The following SH3RF3 variants were observed in gnomAD, a reference collection of about 807,000 sequenced individuals.
The protein encoded by SH3RF3 is SH3 domain containing ring finger 3.
Under a neutral mutation model 66.3 loss-of-function variants are expected in SH3RF3, and 29 were observed. The ratio of observed to expected loss-of-function variants is 0.44; its 90% CI spans 0.33 to 0.60. The LOEUF (loss-of-function observed/expected upper bound fraction) is 0.60. Ranked by LOEUF, SH3RF3 falls within the 20% of genes least tolerant of loss-of-function variation. The pLI is 0.04. For synonymous variants in SH3RF3, 583 were observed against 532.0 expected (o/e 1.10, Z -1.32); for missense variants, 1,194 against 1,190.9 (o/e 1.00, Z -0.04).
At chr2:109,316,231 G>A (rs35689052) in intron 1 of SH3RF3, among the ~76,000 whole-genome samples, 47,469 of 152,058 alleles carry the variant, frequency 0.31, 9,190 homozygotes, top group African/African-American at 0.55. Flanking sequence ...TTCATCTCTC[G>A]CAGCAGATCT....
At chr2:109,179,009 G>GTGTGTGTGTGTGTT (rs1326817298) in intron 1 of SH3RF3, among the ~76,000 whole-genome samples, 50 of 148,726 alleles carry the variant, frequency 3.4e-4, no homozygotes, top group Non-Finnish European at 1.6e-4. Context: ...AATAATGTGT[G>GTGTGTGTGTGTGTT]TGTGTGTGTG....
intron 1 of SH3RF3, among the ~76,000 whole-genome samples, chr2:109,175,824 C>T (rs1677901477): frequency 6.6e-6 from 1 of 152,180 alleles, no homozygotes; most frequent in Admixed American, 6.5e-5. Context: ...TGTAAGCTGC[C>T]ATGCCAGTAA....
intron 1 of SH3RF3, among the ~76,000 whole-genome samples, chr2:109,248,783 GTCTTTC>G (rs1416291469): frequency 1.3e-4 from 19 of 140,910 alleles, no homozygotes; most frequent in Admixed American, 7.2e-5. Flanking sequence ...TCTTCTTTCT[GTCTTTC>G]TCTTTCTGTC....
At chr2:109,319,569 C>T (rs561907615) in intron 1 of SH3RF3, among the ~76,000 whole-genome samples, 1 of 152,350 alleles carries the variant, frequency 6.6e-6, no homozygotes, top group South Asian at 2.1e-4. Context: ...TGAAAACAAG[C>T]CCAGTGGGGC....
chr2:109,178,673 C>T (rs996066809), intron 1 of SH3RF3, among the ~76,000 whole-genome samples: 1 of 152,190 alleles, frequency 6.6e-6, no homozygotes, highest in African/African-American at 2.4e-5. Flanking sequence ...CCTGTCCTCC[C>T]AGGAATTCAC....
chr2:109,151,576 A>G (rs1194975622), intron 1 of SH3RF3, among the ~76,000 whole-genome samples: 1 of 152,268 alleles, frequency 6.6e-6, no homozygotes, highest in African/African-American at 2.4e-5. Flanking sequence ...GCATGTAGTT[A>G]CTATGAAAAC....
chr2:109,168,241 T>G (rs532091716), intron 1 of SH3RF3, among the ~76,000 whole-genome samples: 24 of 152,364 alleles, frequency 1.6e-4, no homozygotes, highest in Non-Finnish European at 2.5e-4. Context: ...AGATCAAAAC[T>G]ATACATTTTC....
chr2:109,167,629 C>T (rs1051221157), intron 1 of SH3RF3, among the ~76,000 whole-genome samples: 7 of 152,206 alleles, frequency 4.6e-5, no homozygotes, highest in Admixed American at 1.3e-4. Flanking sequence ...TGGAGTGCAG[C>T]GGCACGATCT....
chr2:109,200,730 G>C (rs758434525), intron 1 of SH3RF3, among the ~76,000 whole-genome samples: 34 of 152,120 alleles, frequency 2.2e-4, no homozygotes, highest in Admixed American at 5.9e-4. Flanking sequence ...TCTATTTCTT[G>C]CTGCCCCTCC....
chr2:109,201,167 C>T (rs1574501134), intron 1 of SH3RF3, among the ~76,000 whole-genome samples: 1 of 152,380 alleles, frequency 6.6e-6, no homozygotes, highest in African/African-American at 2.4e-5. Context: ...CTTCCGGCGG[C>T]CTCTGCATGG....
intron 2 of SH3RF3, among the ~76,000 whole-genome samples, chr2:109,350,428 T>C (rs1259343633): frequency 6.6e-6 from 1 of 152,102 alleles, no homozygotes; most frequent in Non-Finnish European, 1.5e-5. Flanking sequence ...ATGTGGAGAA[T>C]TAGAGGCCTC....
At chr2:109,207,740 T>G (rs550911530) in intron 1 of SH3RF3, among the ~76,000 whole-genome samples, 2 of 152,192 alleles carry the variant, frequency 1.3e-5, no homozygotes, top group Non-Finnish European at 2.9e-5. Context: ...ACTGAATTAT[T>G]TTATGTTGTA....
intron 1 of SH3RF3, among the ~76,000 whole-genome samples, chr2:109,208,501 A>C (rs1432434696): frequency 1.3e-5 from 2 of 152,218 alleles, no homozygotes; most frequent in African/African-American, 4.8e-5. Flanking sequence ...TAACAGTTAC[A>C]GCTAAGCTCC....
At chr2:109,373,117 A>G (rs905787231) in intron 3 of SH3RF3, among the ~76,000 whole-genome samples, 15 of 152,218 alleles carry the variant, frequency 9.9e-5, no homozygotes, top group African/African-American at 2.9e-4. Context: ...AATGGCAGAT[A>G]ATTCACACAC....
At chr2:109,158,545 C>T (rs1008888461) in intron 1 of SH3RF3, among the ~76,000 whole-genome samples, 4 of 152,138 alleles carry the variant, frequency 2.6e-5, no homozygotes, top group Non-Finnish European at 5.9e-5. Context: ...TGTCCAGAGG[C>T]GCTCAGGGCT....
At chr2:109,228,870 A>G (rs1051759876) in intron 1 of SH3RF3, among the ~76,000 whole-genome samples, 3 of 152,128 alleles carry the variant, frequency 2.0e-5, no homozygotes, top group African/African-American at 7.2e-5. Context: ...TTCTTCACAC[A>G]GGCATGATTG....
At chr2:109,275,795 A>G (rs1680743140) in intron 1 of SH3RF3, among the ~76,000 whole-genome samples, 2 of 152,220 alleles carry the variant, frequency 1.3e-5, no homozygotes, top group African/African-American at 2.4e-5. Flanking sequence ...AGCGAGGCAC[A>G]GTGAGAGGGA....
Position 109,371,652 on chromosome 2 carries a change from A to G in SH3RF3, c.916A>G (p.Ile306Val), listed in dbSNP as rs762014812. 1.2e-6 allele frequency: 2 copies of G among 1,613,956 alleles called. No individual in the cohort carries two copies. Among genetic ancestry groups the G allele is most frequent in the African/African-American group, 1.3e-5 (1 of 75,040 alleles). ...NWAEGMLGDKIGIFPLLYVEL... is the reference protein window; with the variant it reads ...NWAEGMLGDKVGIFPLLYVEL... ...GGCGGAAGGCATGCTGGGAGACAAG[A>G]TCGGGATCTTCCCGCTCCTGTACGT... is the stretch of plus-strand genomic sequence containing the variant. The change falls in exon 3 of 10, where the codon ATC becomes GTC. Residue 306 changes from isoleucine to valine, a missense_variant. Transcript: ENST00000309415.
intron 1 of SH3RF3, among the ~76,000 whole-genome samples, chr2:109,201,665 G>A (rs1414939655): frequency 6.6e-6 from 1 of 152,204 alleles, no homozygotes; most frequent in Non-Finnish European, 1.5e-5. Context: ...GCAAGTGTCT[G>A]CCCACTTCTC....
Sources: allele counts gnomAD v4.1 joint callset (sites outside exome capture counted in the v4.1 genomes callset), GRCh38; gene constraint gnomAD v4.1.1; transcripts MANE v1.5; gene names NCBI Gene and HGNC (gene_info 2026-07-23, HGNC 2026-07-21).